IGSF21: variants seen among roughly 807,000 people sequenced by gnomAD.
The protein encoded by IGSF21 is immunoglobulin superfamily member 21.
IGSF21 carries 28 observed loss-of-function variants against 46.8 expected under a neutral mutation model. The ratio of observed to expected loss-of-function variants is 0.60; its 90% confidence interval spans 0.44 to 0.82. The LOEUF (loss-of-function observed/expected upper bound fraction) is 0.82. IGSF21 is among the 40% of genes least tolerant of loss of function. IGSF21 has a pLI of 0.00. For synonymous variants in IGSF21, 284 were observed against 273.6 expected (o/e 1.04, Z -0.38); for missense variants, 624 against 665.5 (o/e 0.94, Z 0.69).
intron 1 of IGSF21, among the ~76,000 whole-genome samples, chr1:18,188,443 G>A (rs1203237761): frequency 6.6e-6 from 1 of 152,156 alleles, no homozygotes; most frequent in African/African-American, 2.4e-5. Context: ...GGAAGGCTGA[G>A]GTGCTAGCTG....
chr1:18,282,635 T>TACACACACACAC (rs10522294), intron 2 of IGSF21, among the ~76,000 whole-genome samples: 219 of 137,630 alleles, frequency 1.6e-3, no homozygotes, highest in African/African-American at 5.0e-3. Flanking sequence ...TCCCCTTACA[T>TACACACACACAC]ACACACACAC....
intron 1 of IGSF21, among the ~76,000 whole-genome samples, chr1:18,213,580 G>A (rs2084413580): frequency 6.6e-6 from 1 of 152,166 alleles, no homozygotes; most frequent in Non-Finnish European, 1.5e-5. Flanking sequence ...ATAGTCACAT[G>A]GCCCTGCCAA....
At chr1:18,153,994 G>A (rs551357173) in intron 1 of IGSF21, among the ~76,000 whole-genome samples, 1 of 152,272 alleles carries the variant, frequency 6.6e-6, no homozygotes, top group South Asian at 2.1e-4. Context: ...TTAATTGTAG[G>A]AGCCGATCCG....
chr1:18,189,456 A>G (rs1431355127), intron 1 of IGSF21, among the ~76,000 whole-genome samples: 1 of 152,196 alleles, frequency 6.6e-6, no homozygotes, highest in Non-Finnish European at 1.5e-5. Context: ...CAGGATAATT[A>G]AAGTACATTG....
At chr1:18,232,026 A>G (rs893985870) in intron 2 of IGSF21, among the ~76,000 whole-genome samples, 3 of 151,570 alleles carry the variant, frequency 2.0e-5, no homozygotes, top group Non-Finnish European at 4.4e-5. Flanking sequence ...AAACATAAAG[A>G]TGTCAAGAGA....
At chr1:18,219,601 C>T (rs918194872) in intron 1 of IGSF21, among the ~76,000 whole-genome samples, 20 of 152,122 alleles carry the variant, frequency 1.3e-4, no homozygotes, top group African/African-American at 4.8e-4. Context: ...ACAGGCCTTG[C>T]TGGCTGCTTT....
At chr1:18,187,397 T>A (rs1031021684) in intron 1 of IGSF21, among the ~76,000 whole-genome samples, 2 of 152,200 alleles carry the variant, frequency 1.3e-5, no homozygotes, top group Non-Finnish European at 2.9e-5. Flanking sequence ...TATAATAGAT[T>A]TGTAGTTCTA....
chr1:18,219,292 C>T (rs1273575524), intron 1 of IGSF21, among the ~76,000 whole-genome samples: 1 of 152,132 alleles, frequency 6.6e-6, no homozygotes, highest in Non-Finnish European at 1.5e-5. Flanking sequence ...ATGTGGGTAT[C>T]TAGGGAAAGA....
chr1:18,314,162 A>C (rs771165306), intron 3 of IGSF21, among the ~76,000 whole-genome samples: 2 of 152,220 alleles, frequency 1.3e-5, no homozygotes, highest in Non-Finnish European at 2.9e-5. Context: ...CGTGTCCCTA[A>C]TAAGGCATAA....
At position 18,109,723 on chromosome 1, in the gene IGSF21, G is replaced by C. The variant is rs3806293; in HGVS notation, c.70+1525G>C. 2,516 of 152,216 alleles carry C rather than the reference G, an allele frequency of 0.017. 26 individuals are homozygous for C. Among genetic ancestry groups the C allele is most frequent in the East Asian group, 0.049 (251 of 5,134 alleles). 9.4% of individuals were successfully genotyped at this position (152,216 alleles called of 1,614,324 possible). On this transcript the variant is annotated intron_variant, in intron 1 of 9. Coordinates refer to ENST00000251296, the MANE Select transcript of IGSF21 (RefSeq NM_032880.5). The surrounding 1 kb of genome is among the most constrained non-coding windows in gnomAD (Gnocchi z 4.8). ...GAGACTTTCCTAAGTGGATCAAAAT[G>C]TCCCCCCTCAACTTTGGGAGGAGGG...
intron 2 of IGSF21, among the ~76,000 whole-genome samples, chr1:18,291,351 G>A (rs932953200): frequency 2.0e-5 from 3 of 152,224 alleles, no homozygotes; most frequent in Non-Finnish European, 4.4e-5. Context: ...CGGGATGTTG[G>A]ATTCCTGGCC....
chr1:18,341,212 A>T (rs1362002748), intron 4 of IGSF21, among the ~76,000 whole-genome samples: 1 of 149,106 alleles, frequency 6.7e-6, no homozygotes, highest in Admixed American at 6.7e-5. Context: ...CAATGCACTC[A>T]CCTTGGCCTC....
At chr1:18,377,277 C>A in intron 8 of IGSF21, 116 bp from the exon 9 acceptor site, 1 of 968,972 alleles carries the variant, frequency 1.0e-6, no homozygotes, top group Non-Finnish European at 1.7e-6. Flanking sequence ...GGTTGTGTGG[C>A]TGCACTGAGA....
chr1:18,292,966 G>C (rs2085281343), intron 3 of IGSF21, among the ~76,000 whole-genome samples: 2 of 152,256 alleles, frequency 1.3e-5, no homozygotes, highest in African/African-American at 2.4e-5. Flanking sequence ...TCCAAAGCTG[G>C]AGGGGGACCG....
At chr1:18,304,648 A>G (rs10907304) in intron 3 of IGSF21, among the ~76,000 whole-genome samples, 84,762 of 151,850 alleles carry the variant, frequency 0.56, 24,859 homozygotes, top group East Asian at 0.81. Flanking sequence ...GATATGGCAA[A>G]TCATTTCTAT....
At chr1:18,207,646 G>A (rs2084343016) in intron 1 of IGSF21, among the ~76,000 whole-genome samples, 1 of 152,336 alleles carries the variant, frequency 6.6e-6, no homozygotes, top group South Asian at 2.1e-4. Flanking sequence ...GCAGACAATT[G>A]CATATCACTG....
chr1:18,280,568 C>T (rs767072525), intron 2 of IGSF21, among the ~76,000 whole-genome samples: 2 of 152,112 alleles, frequency 1.3e-5, no homozygotes, highest in East Asian at 3.8e-4. Context: ...GGGAAGAACC[C>T]GATTCATCCT....
chr1:18,244,586 G>T (rs935498184), intron 2 of IGSF21, among the ~76,000 whole-genome samples: 1 of 152,210 alleles, frequency 6.6e-6, no homozygotes, highest in Non-Finnish European at 1.5e-5. Context: ...TGTGCCATAC[G>T]TAGAGCCTGT....
chr1:18,305,539 G>T (rs572718819), intron 3 of IGSF21, among the ~76,000 whole-genome samples: 25 of 137,328 alleles, frequency 1.8e-4, no homozygotes, highest in African/African-American at 5.1e-4. Context: ...ATGAATGGAT[G>T]GATGGATGAT....
Sources: allele counts gnomAD v4.1 joint callset (sites outside exome capture counted in the v4.1 genomes callset), GRCh38; gene constraint gnomAD v4.1.1; non-coding constraint Gnocchi (gnomAD v3.1); transcripts MANE v1.5; gene names NCBI Gene and HGNC (gene_info 2026-07-23, HGNC 2026-07-21).